RAI1: variants seen among roughly 807,000 people sequenced by gnomAD.
RAI1 encodes the protein retinoic acid-induced protein 1.
Under a neutral mutation model 123.8 loss-of-function variants are expected in RAI1, and 9 were observed. The ratio of observed to expected loss-of-function variants is 0.07; its 90% CI spans 0.04 to 0.13. RAI1 has a LOEUF of 0.13. Among genes scored for constraint, RAI1 ranks in the 10% least tolerant of loss-of-function variants. The pLI, the probability that RAI1 is intolerant of heterozygous loss-of-function variation, is 1.00. For missense variants in RAI1, 2,256 were observed against 2,545.8 expected, an observed-to-expected ratio of 0.89 and a Z score of 2.45; for synonymous variants, 1,231 against 1,127.3, an observed-to-expected ratio of 1.09 and a Z score of -1.84.
chr17:17,710,623 C>T (rs924099552), intron 1 of RAI1, among the ~76,000 whole-genome samples: 2 of 152,196 alleles, frequency 1.3e-5, no homozygotes, highest in Non-Finnish European at 1.5e-5. Flanking sequence ...GGCTTGGCCT[C>T]ACCCAGCCCC....
At chr17:17,734,937 G>A (rs1916380796) in intron 2 of RAI1, among the ~76,000 whole-genome samples, 1 of 152,254 alleles carries the variant, frequency 6.6e-6, no homozygotes, top group South Asian at 2.1e-4. Context: ...GGGGCAGGGA[G>A]GAGAGAATCT....
rs890438394 is a variant in RAI1, at chr17:17,800,693, G to A, written c.5565+2180G>A. 2.0e-5 allele frequency among the ~76,000 whole-genome samples: 3 copies of A among 152,216 alleles called. No individual in the cohort carries two copies. The highest frequency in any genetic ancestry group is 4.4e-5 in the Non-Finnish European group (3 of 68,034). ...CTCCAGAAATGGCCTGACAGCCTGC[G>A]CAACTAGGGCTGCCCCGGGAAGGTC... On this transcript the variant is annotated intron_variant, in intron 3 of 5. Transcript: ENST00000353383. This position sits in a 1 kb window ranked among gnomAD's most constrained non-coding sequence, Gnocchi z 4.7.
At chr17:17,752,190 G>C (rs1239379330) in intron 2 of RAI1, among the ~76,000 whole-genome samples, 1 of 152,118 alleles carries the variant, frequency 6.6e-6, no homozygotes, top group East Asian at 1.9e-4. Flanking sequence ...GGCCAGTGCC[G>C]GGACTGGGCG....
chr17:17,791,035 C>T (rs1416281323), intron 2 of RAI1, among the ~76,000 whole-genome samples: 2 of 152,242 alleles, frequency 1.3e-5, no homozygotes, highest in Non-Finnish European at 2.9e-5. Flanking sequence ...GGGCACGCTG[C>T]TTGTTAGGGA....
At chr17:17,745,415 G>A (rs1205861457) in intron 2 of RAI1, among the ~76,000 whole-genome samples, 1 of 148,888 alleles carries the variant, frequency 6.7e-6, no homozygotes, top group East Asian at 1.9e-4. Flanking sequence ...TTGTGTGTGT[G>A]TGTGTGTGTG....
chr17:17,752,349 A>G (rs2030219276), intron 2 of RAI1, among the ~76,000 whole-genome samples: 1 of 152,038 alleles, frequency 6.6e-6, no homozygotes, highest in African/African-American at 2.4e-5. Flanking sequence ...GGGCGGGGTG[A>G]GCGGAAAGGG....
chr17:17,793,753 T>C lies in RAI1; in HGVS notation c.805T>C (p.Tyr269His), dbSNP rs2032114366. 6.2e-7 allele frequency: 1 copy of C among 1,612,172 alleles called. No homozygotes were observed. Among genetic ancestry groups the C allele is most frequent in the Non-Finnish European group, 8.5e-7 (1 of 1,179,948 alleles). The change falls in exon 3 of 6, where the codon TAC (tyrosine) becomes CAC (histidine). Residue 269 changes from tyrosine (Y) to histidine (H), a missense_variant. Coordinates refer to ENST00000353383, the MANE Select transcript of RAI1 (RefSeq NM_030665.4). ...PGQRVQNLHAYQSGRLSYDQQ... is the reference protein window; with the variant it reads ...PGQRVQNLHAHQSGRLSYDQQ... Reference sequence around the variant, plus strand: ...GCAGCGGGTCCAGAATCTTCATGCCTACCAGTCGGGCCGCCTCAGCTATGA... The same window carrying C: ...GCAGCGGGTCCAGAATCTTCATGCCCACCAGTCGGGCCGCCTCAGCTATGA...
chr17:17,794,569 A>G lies in RAI1; in HGVS notation c.1621A>G (p.Arg541Gly). The G allele has an allele frequency of 6.2e-7, 1 of 1,613,210 alleles. No individual in the cohort carries two copies. The highest frequency in any genetic ancestry group is 1.1e-5 in the South Asian group (1 of 91,088). Residue 541 changes from arginine to glycine, a missense_variant, in exon 3 of 6, where the codon AGG becomes GGG. Physicochemically the swap from Arg to Gly is moderately radical, Grantham distance 125. Transcript: ENST00000353383. ...YCNQARGSPA[R>G]VNSNSKAKPE... ...CAACCAGGCCCGTGGCAGCCCTGCCAGGGTCAACAGCAACTCGAAGGCCAA... is the reference window on the plus strand; with the variant it reads ...CAACCAGGCCCGTGGCAGCCCTGCCGGGGTCAACAGCAACTCGAAGGCCAA...
intron 1 of RAI1, among the ~76,000 whole-genome samples, chr17:17,689,381 G>A (rs1451548445): frequency 2.6e-5 from 4 of 152,200 alleles, no homozygotes; most frequent in Non-Finnish European, 5.9e-5. Flanking sequence ...GATGGATTGA[G>A]TGGGTCTTTT....
chr17:17,746,862 C>T (rs1321014595), intron 2 of RAI1, among the ~76,000 whole-genome samples: 4 of 151,830 alleles, frequency 2.6e-5, no homozygotes, highest in African/African-American at 7.3e-5. Flanking sequence ...CTTGAACTCC[C>T]GACCTTGGGT....
At chr17:17,720,103 A>G (rs1598032824) in intron 1 of RAI1, among the ~76,000 whole-genome samples, 1 of 152,108 alleles carries the variant, frequency 6.6e-6, no homozygotes, top group African/African-American at 2.4e-5. Context: ...GGCTGGCTCC[A>G]CTGCCTGCAT....
At chr17:17,778,635 G>A in intron 2 of RAI1, 1 of 427,302 alleles carries the variant, frequency 2.3e-6, no homozygotes, top group Non-Finnish European at 4.8e-6. Flanking sequence ...TGAAACCGGA[G>A]CCCCAGCCCC....
chr17:17,778,006 G>A (rs1383482618), intron 2 of RAI1: 2 of 152,270 alleles, frequency 1.3e-5, no homozygotes, highest in Admixed American at 6.5e-5. Flanking sequence ...AGCCTCAGCA[G>A]AACCCAGAGT....
rs961038851 is a variant in RAI1 at position 17,714,635 on chromosome 17, G to A, written c.-148-9393G>A. Among the ~76,000 whole-genome samples the A allele has an allele frequency of 2.6e-5, 4 of 152,164 alleles. No homozygotes were observed. Among genetic ancestry groups the A allele is most frequent in the Admixed American group, 6.5e-5 (1 of 15,282 alleles). ...AAAACCTGAGGCTCAGAAACGTAAC[G>A]GGAAGCAGCTGGGTGCGAGCCTCCT... On this transcript the variant is annotated intron_variant, in intron 1 of 5. Transcript: ENST00000353383. This position sits in a 1 kb window ranked among gnomAD's most constrained non-coding sequence, Gnocchi z 4.9.
At chr17:17,804,199 T>C (rs1211475485) in intron 4 of RAI1, 1 of 364,934 alleles carries the variant, frequency 2.7e-6, no homozygotes, top group African/African-American at 2.2e-5. Context: ...GTTGGGCCTT[T>C]GAAGGATAAA....
At chr17:17,686,435 T>C (rs1041722210) in intron 1 of RAI1, among the ~76,000 whole-genome samples, 2 of 151,902 alleles carry the variant, frequency 1.3e-5, no homozygotes, top group African/African-American at 4.8e-5. Context: ...GCCCTGTTCC[T>C]GGTGGGTCAC....
intron 2 of RAI1, among the ~76,000 whole-genome samples, chr17:17,745,405 TTGTG>T (rs112938506): frequency 6.8e-5 from 10 of 147,652 alleles, no homozygotes; most frequent in Admixed American, 4.1e-4. Context: ...TTGAAGGCTT[TTGTG>T]TGTGTGTGTG....
intron 1 of RAI1, among the ~76,000 whole-genome samples, chr17:17,702,267 C>G (rs1915247565): frequency 6.6e-6 from 1 of 152,234 alleles, no homozygotes; most frequent in African/African-American, 2.4e-5. Context: ...TGTTGCCTAG[C>G]AACCTTCACT....
chr17:17,734,678 G>GC lies in RAI1; in HGVS notation c.-17+10522dup, dbSNP rs368361815. On this transcript the variant is annotated intron_variant, in intron 2 of 5. Coordinates refer to ENST00000353383, the MANE Select transcript of RAI1 (RefSeq NM_030665.4). The stretch of plus-strand genomic sequence containing the variant: ...GGACGGACCTGGTGCAGACCAGTGG[G>GC]CCCACACCTGCTTTCCTATGTGCGG... Among the ~76,000 whole-genome samples, 420 of 152,334 alleles carry GC rather than the reference G, an allele frequency of 2.8e-3. 2 individuals are homozygous for GC. Among genetic ancestry groups the GC allele is most frequent in the African/African-American group, 9.2e-3 (384 of 41,572 alleles).
Sources: gnomAD v4.1 joint callset for allele counts (sites outside exome capture counted in the v4.1 genomes callset) on GRCh38, gnomAD v4.1.1 for gene constraint, Gnocchi (gnomAD v3.1) non-coding constraint, MANE v1.5 for transcripts, NCBI Gene and HGNC (gene_info 2026-07-23, HGNC 2026-07-21) for gene names.